CYCS: variants seen among roughly 807,000 people sequenced by gnomAD.
CYCS encodes the protein cytochrome c, somatic.
For missense variants in CYCS, 87 were observed against 125.3 expected (o/e 0.69, Z 1.46); for synonymous variants, 41 against 43.0 (o/e 0.95, Z 0.18).
chr7:25,118,682 C>G lies in CYCS; in HGVS notation c.*5019G>C, dbSNP rs528896946. ...TGGGTCCACGGGCTGTTTATTGATACACACTAAACACAATTTTCTCCTAAT... is the reference window on the plus strand; with the variant it reads ...TGGGTCCACGGGCTGTTTATTGATAGACACTAAACACAATTTTCTCCTAAT... On this transcript the variant is annotated 3_prime_UTR_variant, in exon 3 of 3. Transcript: ENST00000305786. Among the ~76,000 whole-genome samples, 3 of 152,278 alleles carry G rather than the reference C, an allele frequency of 2.0e-5. No homozygotes were observed. In the East Asian group the frequency reaches 5.8e-4, roughly 29 times the overall value.
Position 25,119,496 on chromosome 7 carries a change from A to T in CYCS, c.*4205T>A, listed in dbSNP as rs1783325694. Among the ~76,000 whole-genome samples the T allele has an allele frequency of 6.6e-6, 1 of 151,904 alleles. No homozygotes were observed. The highest frequency in any genetic ancestry group is 1.5e-5 in the Non-Finnish European group (1 of 67,990). On this transcript the variant is annotated 3_prime_UTR_variant, in exon 3 of 3. Transcript: ENST00000305786. The stretch of plus-strand genomic sequence containing the variant: ...TCACCATGTTGGCCAGGCTGGTCTC[A>T]AGCTCCTGACCTCAGGTGATCTGCC...
Position 25,123,841 on chromosome 7 carries a change from A to G in CYCS, c.178T>C (p.Trp60Arg). 1 of 1,614,196 alleles carries G rather than the reference A, an allele frequency of 6.2e-7. No individual in the cohort carries two copies. Among genetic ancestry groups the G allele is most frequent in the Non-Finnish European group, 8.5e-7 (1 of 1,180,022 alleles). Residue 60 changes from tryptophan to arginine, a missense_variant, in exon 3 of 3, where the codon TGG becomes CGG. Physicochemically the swap from Trp to Arg is moderately radical, Grantham distance 101 (BLOSUM62 -3). Transcript: ENST00000305786. ...TACTCCATCAGTGTATCCTCTCCCC[A>G]GATGATGCCTAAACAAGAAAGAATG... Reference protein sequence around the residue: ...TAANKNKGIIWGEDTLMEYLE... With the variant: ...TAANKNKGIIRGEDTLMEYLE...
chr7:25,124,262 T>G, intron 1 of CYCS, 135 bp from the exon 2 acceptor site: 1 of 758,482 alleles, frequency 1.3e-6, no homozygotes. Flanking sequence ...AATCTTGTTT[T>G]GCTTTAATAC....
rs1167350053 is a variant in CYCS at position 25,118,895 on chromosome 7, C to T, written c.*4806G>A. Among the ~76,000 whole-genome samples, 1 of 152,154 alleles carries T rather than the reference C, an allele frequency of 6.6e-6. No individual in the cohort carries two copies. Among genetic ancestry groups the T allele is most frequent in the Non-Finnish European group, 1.5e-5 (1 of 68,026 alleles). The stretch of plus-strand genomic sequence containing the variant: ...TTGAGAAATGAATGCAGTAAATTTA[C>T]TTAGCTTTCTGAGGGAAATGATAGC... On this transcript the variant is annotated 3_prime_UTR_variant, in exon 3 of 3. Coordinates refer to ENST00000305786, the MANE Select transcript of CYCS (RefSeq NM_018947.6).
At position 25,118,845 on chromosome 7, in the gene CYCS, CACAT is replaced by C. The variant is rs1223379188; in HGVS notation, c.*4852_*4855del. Among the ~76,000 whole-genome samples the C allele has an allele frequency of 6.6e-6, 1 of 152,110 alleles. No homozygotes were observed. Among genetic ancestry groups the C allele is most frequent in the Non-Finnish European group, 1.5e-5 (1 of 68,022 alleles). On this transcript the variant is annotated 3_prime_UTR_variant, in exon 3 of 3. Transcript: ENST00000305786. ...TTTAACATGTTTAAATGTTCATAGACACATACAACCTGCACTTTTACTCTTTGAG... is the reference window on the plus strand; with the variant it reads ...TTTAACATGTTTAAATGTTCATAGACACAACCTGCACTTTTACTCTTTGAG...
rs1783353206 is a variant in CYCS, at chr7:25,120,953, T to C, written c.*2748A>G. 2 of 151,890 alleles carry C rather than the reference T, an allele frequency of 1.3e-5. No individual in the cohort carries two copies. The highest frequency in any genetic ancestry group is 4.8e-5 in the African/African-American group (2 of 41,346). The allele number at this position is 151,890 out of a possible 1,614,324, so 9.4% of individuals were successfully genotyped here. A position where few individuals can be genotyped will look rare whatever the true frequency, so the allele number is the denominator to read the frequency against. ...CAGCCTGTCCAGCATGGAGAAACCC[T>C]GTCTCTACTAAAAACACAAAATAAG... is the stretch of plus-strand genomic sequence containing the variant. On this transcript the variant is annotated 3_prime_UTR_variant, in exon 3 of 3. Coordinates refer to ENST00000305786, the MANE Select transcript of CYCS (RefSeq NM_018947.6).
intron 1 of CYCS, 49 bp from the exon 2 acceptor site, chr7:25,124,176 A>G: frequency 2.7e-6 from 4 of 1,482,906 alleles, no homozygotes; most frequent in Non-Finnish European, 3.7e-6. Context: ...GGTAACAAAT[A>G]CAGTGTAAAT....
Position 25,123,874 on chromosome 7 carries a change from T to G in CYCS, c.170-25A>C, listed in dbSNP as rs577320841. ...CCTAAACAAGAAAGAATGCATCGGT[T>G]ATTTCACACTCCTGATAGTTTGCCA... On this transcript the variant is annotated intron_variant, in intron 2 of 2. Coordinates refer to ENST00000305786, the MANE Select transcript of CYCS (RefSeq NM_018947.6). 4 of 1,614,236 alleles carry G rather than the reference T, an allele frequency of 2.5e-6. No homozygotes were observed. The South Asian group carries it at 4.4e-5, about 18-fold the overall frequency.
intron 1 of CYCS, 69 bp from the exon 2 acceptor site, chr7:25,124,196 C>T: frequency 1.7e-6 from 2 of 1,165,320 alleles, no homozygotes; most frequent in Non-Finnish European, 2.5e-6. Flanking sequence ...TGAATGACCA[C>T]TCTAGCCACT....
Position 25,123,953 on chromosome 7 carries a change from T to C in CYCS, c.167A>G (p.Lys56Arg), listed in dbSNP as rs11548795. The C allele has an allele frequency of 6.2e-7, 1 of 1,614,224 alleles. No individual in the cohort carries two copies. Among genetic ancestry groups the C allele is most frequent in the Non-Finnish European group, 8.5e-7 (1 of 1,180,044 alleles). ...TTTATTTAACAAGTGACTCTTACCT[T>C]TGTTCTTATTGGCGGCTGTGTAAGA... Reference protein sequence around the residue: ...GYSYTAANKNKGIIWGEDTLM... With the variant: ...GYSYTAANKNRGIIWGEDTLM... Residue 56 changes from lysine to arginine, a missense_variant and splice_region_variant, in exon 2 of 3, where the codon AAA (lysine) becomes AGA (arginine). Transcript: ENST00000305786.
At chr7:25,123,902 T>C in intron 2 of CYCS, 49 bp downstream of exon 2, 1 of 1,613,992 alleles carries the variant, frequency 6.2e-7, no homozygotes, top group Non-Finnish European at 8.5e-7. Flanking sequence ...GTTTGCCACA[T>C]GTTATATTCC....
In CYCS at chr7:25,123,068, A is replaced by G. The variant is rs1310404449; in HGVS notation, c.*633T>C. On this transcript the variant is annotated 3_prime_UTR_variant, in exon 3 of 3. Coordinates refer to ENST00000305786, the MANE Select transcript of CYCS (RefSeq NM_018947.6). ...AAGTTTAACTTGCTACTATTTTAAAAGCATGTGACCTTATAGATCTGTAAG... is the reference window on the plus strand; with the variant it reads ...AAGTTTAACTTGCTACTATTTTAAAGGCATGTGACCTTATAGATCTGTAAG... 1 of 152,962 alleles carries G rather than the reference A, an allele frequency of 6.5e-6. No individual in the cohort carries two copies. Among genetic ancestry groups the G allele is most frequent in the Non-Finnish European group, 1.5e-5 (1 of 68,554 alleles). The allele number at this position is 152,962 out of a possible 1,614,324, so 9.5% of individuals were successfully genotyped here. A position where few individuals can be genotyped will look rare whatever the true frequency, so the allele number is the denominator to read the frequency against.
Position 25,124,091 on chromosome 7 carries a change from A to G in CYCS, c.29T>C (p.Ile10Thr). Residue 10 changes from isoleucine to threonine, a missense_variant, in exon 2 of 3, where the codon ATT becomes ACT. Transcript: ENST00000305786. ...GCACTGGGAACACTTCATAATAAAAATCTTCTTGCCTTTCTCAACATCACC... is the reference window on the plus strand; with the variant it reads ...GCACTGGGAACACTTCATAATAAAAGTCTTCTTGCCTTTCTCAACATCACC... Reference protein sequence around the residue: MGDVEKGKKIFIMKCSQCHT... With the variant: MGDVEKGKKTFIMKCSQCHT... The G allele has an allele frequency of 6.2e-7, 1 of 1,613,814 alleles. No homozygotes were observed. Among genetic ancestry groups the G allele is most frequent in the Non-Finnish European group, 8.5e-7 (1 of 1,179,980 alleles).
chr7:25,122,484 CA>C lies in CYCS; in HGVS notation c.*1216del, dbSNP rs1562515461. 1 of 152,178 alleles carries C rather than the reference CA, an allele frequency of 6.6e-6. No individual in the cohort carries two copies. Among genetic ancestry groups the C allele is most frequent in the East Asian group, 1.9e-4 (1 of 5,204 alleles). 9.4% of individuals were successfully genotyped at this position (152,178 alleles called of 1,614,324 possible). On this transcript the variant is annotated 3_prime_UTR_variant, in exon 3 of 3. Transcript: ENST00000305786. ...GTGCTCACCATCTCCATAAAATCTCCAAGGACTACTCTAAATGTGTATGGCA... is the reference window on the plus strand; with the variant it reads ...GTGCTCACCATCTCCATAAAATCTCCAGGACTACTCTAAATGTGTATGGCA...
chr7:25,120,791 C>T lies in CYCS; in HGVS notation c.*2910G>A, dbSNP rs1311384921. The stretch of plus-strand genomic sequence containing the variant: ...CTTTTTTTCCCCTATTTCCTTATTT[C>T]TGAAGGTATATATCCCTGATAGAAA... On this transcript the variant is annotated 3_prime_UTR_variant, in exon 3 of 3. Coordinates refer to ENST00000305786, the MANE Select transcript of CYCS (RefSeq NM_018947.6). 6.6e-6 allele frequency: 1 copy of T among 152,202 alleles called. No individual in the cohort carries two copies. Among genetic ancestry groups the T allele is most frequent in the African/African-American group, 2.4e-5 (1 of 41,446 alleles). 9.4% of individuals were successfully genotyped at this position (152,202 alleles called of 1,614,324 possible).
Position 25,123,748 on chromosome 7 carries a change from C to T in CYCS, c.271G>A (p.Glu91Lys). 1 of 1,607,872 alleles carries T rather than the reference C, an allele frequency of 6.2e-7. No homozygotes were observed. Reference sequence around the variant, plus strand: ...AGATAAGCTATTAAGTCTGCCCTTTCTTCCTTCTTCTTAATGCCGACAAAG... The same window carrying T: ...AGATAAGCTATTAAGTCTGCCCTTTTTTCCTTCTTCTTAATGCCGACAAAG... Reference protein sequence around the residue: ...MIFVGIKKKEERADLIAYLKK... With the variant: ...MIFVGIKKKEKRADLIAYLKK... Residue 91 changes from glutamate to lysine, a missense_variant, in exon 3 of 3, where the codon GAA becomes AAA. Glu to Lys is a moderately conservative substitution (Grantham distance 56). Coordinates refer to ENST00000305786, the MANE Select transcript of CYCS (RefSeq NM_018947.6).
chr7:25,123,542 C>T lies in CYCS; in HGVS notation c.*159G>A. The T allele has an allele frequency of 3.0e-6, 2 of 672,542 alleles. No individual in the cohort carries two copies. Among genetic ancestry groups the T allele is most frequent in the South Asian group, 1.8e-5 (1 of 55,726 alleles). 41.7% of individuals were successfully genotyped at this position (672,542 alleles called of 1,614,324 possible). ...CAAAAACTGAACATATTCATTTAAC[C>T]ACAAGCCAGTCTTAGTTTTAAATCA... On this transcript the variant is annotated 3_prime_UTR_variant, in exon 3 of 3. Coordinates refer to ENST00000305786, the MANE Select transcript of CYCS (RefSeq NM_018947.6).
chr7:25,119,372 G>A lies in CYCS; in HGVS notation c.*4329C>T, dbSNP rs1354520512. On this transcript the variant is annotated 3_prime_UTR_variant, in exon 3 of 3. Coordinates refer to ENST00000305786, the MANE Select transcript of CYCS (RefSeq NM_018947.6). ...GCTCACTGCAACCCCCATCTCCCAG[G>A]TTCAAGCGATTCTCCTGCCTCAGCC... is the stretch of plus-strand genomic sequence containing the variant. 6.6e-6 allele frequency among the ~76,000 whole-genome samples: 1 copy of A among 151,942 alleles called. No individual in the cohort carries two copies. The highest frequency in any genetic ancestry group is 2.4e-5 in the African/African-American group (1 of 41,344).
intron 2 of CYCS, 45 bp from the exon 3 acceptor site, chr7:25,123,894 T>C: frequency 1.9e-6 from 3 of 1,614,170 alleles, no homozygotes; most frequent in East Asian, 2.2e-5. Context: ...TCCTGATAGT[T>C]TGCCACATGT....
Sources: gnomAD v4.1 joint callset for allele counts (sites outside exome capture counted in the v4.1 genomes callset) on GRCh38, gnomAD v4.1.1 for gene constraint, MANE v1.5 for transcripts, NCBI Gene and HGNC (gene_info 2026-07-23, HGNC 2026-07-21) for gene names.